CDKAL1: variants seen among roughly 807,000 people sequenced by gnomAD.
CDKAL1 encodes the protein CDKAL1 threonylcarbamoyladenosine tRNA methylthiotransferase, also known as threonylcarbamoyladenosine tRNA methylthiotransferase.
Under a neutral mutation model 68.2 loss-of-function variants are expected in CDKAL1, and 32 were observed. The ratio of observed to expected loss-of-function variants is 0.47; its 90% CI spans 0.35 to 0.63. CDKAL1 has a LOEUF of 0.63. Ranked by LOEUF, CDKAL1 falls within the 30% of genes least tolerant of loss-of-function variation. CDKAL1 has a pLI of 0.00. For synonymous variants in CDKAL1, 234 were observed against 244.3 expected (o/e 0.96, Z 0.39); for missense variants, 606 against 696.7 (o/e 0.87, Z 1.47).
At chr6:20,848,572 C>T (rs944754856) in intron 9 of CDKAL1, among the ~76,000 whole-genome samples, 4 of 152,020 alleles carry the variant, frequency 2.6e-5, no homozygotes, top group Non-Finnish European at 5.9e-5. Flanking sequence ...TTAGCAGTAA[C>T]GTAGCTATTT....
intron 9 of CDKAL1, among the ~76,000 whole-genome samples, chr6:20,943,339 AAAAAAG>A (rs1317292453): frequency 5.1e-5 from 4 of 78,162 alleles, no homozygotes; most frequent in African/African-American, 1.7e-4. Flanking sequence ...AAAAAAAAAA[AAAAAAG>A]AAAAAGAAAA....
intron 5 of CDKAL1, among the ~76,000 whole-genome samples, chr6:20,736,662 C>G (rs974669484): frequency 2.0e-5 from 3 of 151,910 alleles, no homozygotes; most frequent in Non-Finnish European, 2.9e-5. Context: ...GTCCCAGCTA[C>G]TCCGGAGGCT....
At chr6:20,985,036 G>A (rs1270458200) in intron 10 of CDKAL1, among the ~76,000 whole-genome samples, 1 of 152,052 alleles carries the variant, frequency 6.6e-6, no homozygotes, top group East Asian at 1.9e-4. Flanking sequence ...AGCCTTATTA[G>A]TTCCTCTGTA....
intron 13 of CDKAL1, among the ~76,000 whole-genome samples, chr6:21,118,809 C>T (rs1449817410): frequency 6.6e-6 from 1 of 152,134 alleles, no homozygotes; most frequent in Non-Finnish European, 1.5e-5. Context: ...TTTAAAGACT[C>T]AACTTTGTTT....
intron 8 of CDKAL1, among the ~76,000 whole-genome samples, chr6:20,822,162 A>G (rs1777310769): frequency 6.6e-6 from 1 of 152,198 alleles, no homozygotes; most frequent in Non-Finnish European, 1.5e-5. Context: ...CCAGCCCCTG[A>G]TATAGAGAGC....
chr6:21,089,332 C>A (rs1772872134), intron 12 of CDKAL1, among the ~76,000 whole-genome samples: 1 of 151,944 alleles, frequency 6.6e-6, no homozygotes, highest in African/African-American at 2.4e-5. Flanking sequence ...AAAAAATTAG[C>A]CAGGTGTGGT....
At chr6:20,868,182 T>C (rs573210552) in intron 9 of CDKAL1, among the ~76,000 whole-genome samples, 1 of 152,346 alleles carries the variant, frequency 6.6e-6, no homozygotes, top group South Asian at 2.1e-4. Flanking sequence ...ATATTTTTAA[T>C]GGTGACTTTC....
chr6:20,731,825 G>A (rs1772938216), intron 5 of CDKAL1, among the ~76,000 whole-genome samples: 1 of 152,130 alleles, frequency 6.6e-6, no homozygotes, highest in South Asian at 2.1e-4. Context: ...AATGGGCCCA[G>A]GCACAGAACT....
intron 9 of CDKAL1, among the ~76,000 whole-genome samples, chr6:20,933,485 T>C (rs372163449): frequency 1.3e-5 from 2 of 152,354 alleles, no homozygotes; most frequent in African/African-American, 4.8e-5. Flanking sequence ...CTTTAGCACA[T>C]TTGCCTGAAT....
intron 9 of CDKAL1, among the ~76,000 whole-genome samples, chr6:20,943,287 C>A (rs1217216040): frequency 6.9e-6 from 1 of 145,244 alleles, no homozygotes; most frequent in Non-Finnish European, 1.5e-5. Context: ...CTTCCAGCCC[C>A]CAGTTGCTTT....
intron 12 of CDKAL1, among the ~76,000 whole-genome samples, chr6:21,066,593 T>C (rs1266718543): frequency 2.6e-5 from 4 of 152,140 alleles, no homozygotes; most frequent in African/African-American, 9.7e-5. Context: ...CCCCTCAAGA[T>C]TCCTTTTTAC....
At chr6:21,165,799 A>G (rs773110879) in intron 13 of CDKAL1, among the ~76,000 whole-genome samples, 5 of 152,190 alleles carry the variant, frequency 3.3e-5, no homozygotes, top group Non-Finnish European at 4.4e-5. Flanking sequence ...ATGGCATCCT[A>G]TGAGCGTGCT....
chr6:20,894,129 C>G (rs1761550909), intron 9 of CDKAL1, among the ~76,000 whole-genome samples: 1 of 152,120 alleles, frequency 6.6e-6, no homozygotes, highest in Non-Finnish European at 1.5e-5. Context: ...TGACTGCACA[C>G]TAAGTATCTA....
intron 11 of CDKAL1, 135 bp downstream of exon 11, chr6:21,000,507 T>A: frequency 1.4e-6 from 1 of 709,082 alleles, no homozygotes; most frequent in Non-Finnish European, 2.3e-6. Flanking sequence ...TCAAAGCCTT[T>A]AAGTCTCCTT....
chr6:21,083,835 C>G (rs370811515), intron 12 of CDKAL1, among the ~76,000 whole-genome samples: 9 of 151,946 alleles, frequency 5.9e-5, no homozygotes, highest in African/African-American at 2.2e-4. Context: ...ATGGAATGTC[C>G]CTCAATTTGA....
chr6:21,015,404 A>T (rs1233462420), intron 11 of CDKAL1, among the ~76,000 whole-genome samples: 1 of 152,200 alleles, frequency 6.6e-6, no homozygotes, highest in Admixed American at 6.5e-5. Context: ...CGACTTTTTT[A>T]TAGAAAATAC....
intron 9 of CDKAL1, among the ~76,000 whole-genome samples, chr6:20,918,537 C>T (rs371444540): frequency 2.6e-5 from 4 of 152,308 alleles, no homozygotes; most frequent in South Asian, 4.1e-4. Flanking sequence ...AACACATGCT[C>T]ATTCTTGTAC....
intron 13 of CDKAL1, among the ~76,000 whole-genome samples, chr6:21,111,521 G>A (rs140777029): frequency 6.6e-6 from 1 of 152,266 alleles, no homozygotes; most frequent in East Asian, 1.9e-4. Context: ...CCCAGACACA[G>A]GAAAGTCACC....
At chr6:20,670,484 T>C (rs1769759458) in intron 5 of CDKAL1, among the ~76,000 whole-genome samples, 1 of 152,208 alleles carries the variant, frequency 6.6e-6, no homozygotes, top group African/African-American at 2.4e-5. Context: ...CTTTCCATCT[T>C]GAGCCCACCC....
Sources: allele counts gnomAD v4.1 joint callset (sites outside exome capture counted in the v4.1 genomes callset), GRCh38; gene constraint gnomAD v4.1.1; transcripts MANE v1.5; gene names NCBI Gene and HGNC (gene_info 2026-07-23, HGNC 2026-07-21).